Variants in MAP3K7CL observed in about 807,000 individuals in gnomAD.
MAP3K7CL encodes the protein MAP3K7 C-terminal like.
MAP3K7CL carries 16 observed loss-of-function variants against 18.6 expected under a neutral mutation model. That is an observed-to-expected ratio of 0.86 (90% CI 0.58 to 1.31). The LOEUF is 1.31. Ranked by LOEUF, MAP3K7CL falls within the 50% of genes most tolerant of loss-of-function variation. The pLI is 0.00. For missense variants in MAP3K7CL, 163 were observed against 174.4 expected, an observed-to-expected ratio of 0.93 and a Z score of 0.37; for synonymous variants, 65 against 66.8, an observed-to-expected ratio of 0.97 and a Z score of 0.13.
rs760612041 is a variant in MAP3K7CL, at chr21:29,174,932, G to A, written c.*40G>A. On this transcript the variant is annotated 3_prime_UTR_variant, in exon 5 of 5. Coordinates refer to ENST00000399928, the MANE Select transcript of MAP3K7CL (RefSeq NM_001286620.2). ...GTGTGAGCATACGAGGCTGATGACT[G>A]CCCTGTGCTGGCCAAAAGATTTTTA... The A allele has an allele frequency of 1.3e-5, 21 of 1,579,074 alleles. No individual in the cohort carries two copies. The Admixed American group carries it at 1.8e-4, about 14-fold the overall frequency.
At chr21:29,139,109 A>G (rs2086946890) in intron 2 of MAP3K7CL, among the ~76,000 whole-genome samples, 1 of 152,138 alleles carries the variant, frequency 6.6e-6, no homozygotes, top group African/African-American at 2.4e-5. Context: ...TTCTCCTCAA[A>G]TATCAGGATG....
At chr21:29,091,596 C>G (rs1274757243) in intron 2 of MAP3K7CL, 5 of 700,518 alleles carry the variant, frequency 7.1e-6, no homozygotes, top group Non-Finnish European at 1.3e-5. Context: ...CCACCTCAGC[C>G]CCTCAAGTAA....
intron 4 of MAP3K7CL, among the ~76,000 whole-genome samples, chr21:29,106,491 T>C (rs180737064): frequency 1.3e-5 from 2 of 152,286 alleles, no homozygotes; most frequent in Non-Finnish European, 2.9e-5. Context: ...ACTCCAATAA[T>C]GGGGTTATGG....
intron 4 of MAP3K7CL, among the ~76,000 whole-genome samples, chr21:29,113,965 T>G (rs1309207860): frequency 6.6e-6 from 1 of 152,216 alleles, no homozygotes; most frequent in Admixed American, 6.5e-5. Flanking sequence ...TGTGGTTCTT[T>G]TTAGAGGTAT....
chr21:29,156,823 T>C (rs2087415964), intron 3 of MAP3K7CL, among the ~76,000 whole-genome samples: 1 of 152,220 alleles, frequency 6.6e-6, no homozygotes, highest in Non-Finnish European at 1.5e-5. Context: ...TTTGATCAGT[T>C]TCCTGGCTGG....
At position 29,174,950 on chromosome 21, in the gene MAP3K7CL, G is replaced by A; in HGVS notation, c.*58G>A. 6.7e-7 allele frequency: 1 copy of A among 1,501,982 alleles called. No homozygotes were observed. The highest frequency in any genetic ancestry group is 9.0e-7 in the Non-Finnish European group (1 of 1,110,840). 93.0% of individuals were successfully genotyped at this position (1,501,982 alleles called of 1,614,324 possible). On this transcript the variant is annotated 3_prime_UTR_variant, in exon 5 of 5. Transcript: ENST00000399928. ...GATGACTGCCCTGTGCTGGCCAAAA[G>A]ATTTTTATTTTAAATGAATAGTGAG...
At chr21:29,118,165 A>G (rs2086533256) in intron 4 of MAP3K7CL, among the ~76,000 whole-genome samples, 2 of 140,026 alleles carry the variant, frequency 1.4e-5, no homozygotes, top group South Asian at 4.9e-4. Flanking sequence ...AGATCACTGC[A>G]ACCTCCACCT....
upstream of MAP3K7CL, chr21:29,128,303 A>C (rs2086714863): frequency 7.0e-6 from 1 of 143,798 alleles, no homozygotes; most frequent in Non-Finnish European, 1.6e-5. Flanking sequence ...AATTTCAATT[A>C]AATTTTTTTT....
chr21:29,147,450 T>C (rs1233103356), intron 2 of MAP3K7CL, among the ~76,000 whole-genome samples: 2 of 151,958 alleles, frequency 1.3e-5, no homozygotes, highest in African/African-American at 2.4e-5. Flanking sequence ...CTGTATTGTA[T>C]CTGTATGTGT....
chr21:29,086,956 G>T (rs1004030965), intron 1 of MAP3K7CL, among the ~76,000 whole-genome samples: 6 of 152,144 alleles, frequency 3.9e-5, no homozygotes, highest in African/African-American at 1.2e-4. Flanking sequence ...CAATGGCTTT[G>T]AACTGTACTT....
At chr21:29,134,722 A>G (rs1019089549) in intron 2 of MAP3K7CL, among the ~76,000 whole-genome samples, 2 of 152,162 alleles carry the variant, frequency 1.3e-5, no homozygotes, top group African/African-American at 4.8e-5. Flanking sequence ...TCTCTGTCAT[A>G]ATAAGCATTT....
chr21:29,170,913 A>G (rs2087810798), intron 4 of MAP3K7CL, among the ~76,000 whole-genome samples: 1 of 148,490 alleles, frequency 6.7e-6, no homozygotes, highest in Admixed American at 6.7e-5. Flanking sequence ...TGCTGGAATT[A>G]CAGGTGTGAG....
chr21:29,147,247 C>A (rs934303234), intron 2 of MAP3K7CL, among the ~76,000 whole-genome samples: 2 of 151,678 alleles, frequency 1.3e-5, no homozygotes, highest in African/African-American at 4.8e-5. Flanking sequence ...TGTATATGTA[C>A]TGTATATGTA....
chr21:29,145,502 T>G (rs1402310257), intron 2 of MAP3K7CL: 3 of 152,238 alleles, frequency 2.0e-5, no homozygotes, highest in Non-Finnish European at 4.4e-5. Context: ...CCCAATCCAG[T>G]GATTCATCAT....
At chr21:29,157,751 A>C (rs2087441932) in intron 3 of MAP3K7CL, among the ~76,000 whole-genome samples, 1 of 152,222 alleles carries the variant, frequency 6.6e-6, no homozygotes, top group Non-Finnish European at 1.5e-5. Flanking sequence ...AACAAATGAC[A>C]ACATTTCCCA....
intron 4 of MAP3K7CL, among the ~76,000 whole-genome samples, chr21:29,101,205 G>A (rs1003850196): frequency 1.3e-5 from 2 of 152,142 alleles, no homozygotes; most frequent in Non-Finnish European, 2.9e-5. Context: ...GATAGGTCAT[G>A]CAAAATGCCA....
chr21:29,169,334 G>C (rs1026888847), intron 4 of MAP3K7CL, among the ~76,000 whole-genome samples: 1 of 152,142 alleles, frequency 6.6e-6, no homozygotes, highest in Non-Finnish European at 1.5e-5. Context: ...ACATAGTCTA[G>C]ACTGAGCATT....
At chr21:29,123,754 T>A (rs1176874478) in intron 4 of MAP3K7CL, among the ~76,000 whole-genome samples, 3 of 152,194 alleles carry the variant, frequency 2.0e-5, no homozygotes, top group Non-Finnish European at 4.4e-5. Context: ...GTGGTGGTTG[T>A]TGGTGTGATG....
At chr21:29,154,331 G>A (rs2087348176) in intron 3 of MAP3K7CL, among the ~76,000 whole-genome samples, 1 of 151,768 alleles carries the variant, frequency 6.6e-6, no homozygotes. Flanking sequence ...TTAAGTTAGG[G>A]ATAGAAGTTC....
Sources: gnomAD v4.1 joint callset for allele counts (sites outside exome capture counted in the v4.1 genomes callset) on GRCh38, gnomAD v4.1.1 for gene constraint, MANE v1.5 for transcripts, NCBI Gene and HGNC (gene_info 2026-07-23, HGNC 2026-07-21) for gene names.